DHRS11: variants seen among roughly 807,000 people sequenced by gnomAD.
DHRS11 encodes dehydrogenase/reductase 11, also known as dehydrogenase/reductase SDR family member 11.
In DHRS11, 18 loss-of-function variants were observed where a neutral mutation model predicts 30.7. The ratio of observed to expected loss-of-function variants is 0.59; its 90% CI spans 0.41 to 0.87. The LOEUF (loss-of-function observed/expected upper bound fraction) is 0.87. Ranked by LOEUF, DHRS11 falls within the 40% of genes least tolerant of loss-of-function variation. The pLI is 0.00. For synonymous variants in DHRS11, 123 were observed against 139.6 expected, an observed-to-expected ratio of 0.88 and a Z score of 0.84; for missense variants, 300 against 349.0, an observed-to-expected ratio of 0.86 and a Z score of 1.12.
Position 36,600,195 on chromosome 17 carries a change from G to T in DHRS11, c.775G>T (p.Val259Leu). 1 of 1,614,136 alleles carries T rather than the reference G, an allele frequency of 6.2e-7. No individual in the cohort carries two copies. Among genetic ancestry groups the T allele is most frequent in the Non-Finnish European group, 8.5e-7 (1 of 1,180,018 alleles). Residue 259 changes from valine to leucine, a missense_variant, in exon 7 of 7, where the codon GTG (valine) becomes TTG (leucine). Coordinates refer to ENST00000618403, the MANE Select transcript of DHRS11 (RefSeq NM_024308.4). ...GDIQMRPTEQVT is the reference protein window; with the variant it reads ...GDIQMRPTEQLT ...CATCCAGATGAGGCCCACGGAGCAG[G>T]TGACCTAGTGACTGTGGGAGCTCCT...
intron 2 of DHRS11, chr17:36,596,641 G>A (rs935822910): frequency 4.6e-5 from 17 of 372,808 alleles, no homozygotes; most frequent in African/African-American, 3.6e-4. Context: ...TCCAGTACAT[G>A]TTGGAAGGGT....
intron 4 of DHRS11, 95 bp downstream of exon 4, chr17:36,599,145 C>T (rs1328824124): frequency 1.5e-5 from 22 of 1,490,504 alleles, no homozygotes; most frequent in Non-Finnish European, 1.9e-5. Context: ...GAATGTGCCG[C>T]TCAGAGCTCC....
At chr17:36,598,557 C>T (rs1248886558) in intron 3 of DHRS11, 1 of 515,778 alleles carries the variant, frequency 1.9e-6, no homozygotes, top group East Asian at 3.5e-5. Flanking sequence ...GTACTATGTA[C>T]AGTGTCTGCC....
Position 36,599,659 on chromosome 17 carries a change from C to G in DHRS11, c.583-12C>G. ...AGCTCAGCCCCTGAGAAGGCCCTCT[C>G]TGTTGGCCCAGTGCATCTCTCCAGG... On this transcript the variant is annotated splice_polypyrimidine_tract_variant and intron_variant, in intron 4 of 6. Transcript: ENST00000618403. 1 of 1,614,166 alleles carries G rather than the reference C, an allele frequency of 6.2e-7. No individual in the cohort carries two copies. Among genetic ancestry groups the G allele is most frequent in the Non-Finnish European group, 8.5e-7 (1 of 1,179,996 alleles).
At chr17:36,599,451 T>G (rs528743921) in intron 4 of DHRS11, 1 of 589,666 alleles carries the variant, frequency 1.7e-6, no homozygotes, top group Non-Finnish European at 3.0e-6. Flanking sequence ...TCAGGGACAC[T>G]TTTTTGTAAA....
At chr17:36,598,334 AC>A (rs1257109058) in intron 3 of DHRS11, 77 bp downstream of exon 3, 1 of 1,338,484 alleles carries the variant, frequency 7.5e-7, no homozygotes, top group African/African-American at 1.5e-5. Flanking sequence ...ACCTCTTTGG[AC>A]CTCAGTTTCC....
At chr17:36,596,636 T>G (rs1312417848) in intron 2 of DHRS11, 1 of 365,980 alleles carries the variant, frequency 2.7e-6, no homozygotes, top group African/African-American at 2.1e-5. Context: ...AACTTTCCAG[T>G]ACATGTTGGA....
chr17:36,597,080 G>T (rs2074816737), intron 2 of DHRS11: 1 of 302,828 alleles, frequency 3.3e-6, no homozygotes, highest in East Asian at 8.5e-5. Flanking sequence ...TGATACCCTA[G>T]ACCTGGGAGA....
At chr17:36,597,082 C>T in intron 2 of DHRS11, 1 of 301,476 alleles carries the variant, frequency 3.3e-6, no homozygotes, top group South Asian at 3.0e-5. Context: ...ATACCCTAGA[C>T]CTGGGAGATT....
intron 2 of DHRS11, chr17:36,597,341 T>G (rs990489244): frequency 6.1e-6 from 1 of 163,068 alleles, no homozygotes; most frequent in African/African-American, 2.4e-5. Context: ...CCTCTCTTCT[T>G]AAGAGGAGAG....
intron 2 of DHRS11, chr17:36,597,783 A>T: frequency 3.1e-6 from 1 of 325,684 alleles, no homozygotes. Context: ...AGAAGAGAAG[A>T]GTAGGGTATT....
intron 2 of DHRS11, 50 bp downstream of exon 2, chr17:36,595,230 G>C (rs773856316): frequency 3.1e-6 from 5 of 1,602,262 alleles, no homozygotes; most frequent in Middle Eastern, 2.2e-4. Flanking sequence ...GGAGGAGAGA[G>C]GGGAGCCAGG....
At chr17:36,598,605 G>A (rs875213) in intron 3 of DHRS11, 56,537 of 498,440 alleles carry the variant, frequency 0.11, 3,856 homozygotes, top group Middle Eastern at 0.18. Flanking sequence ...CATGGCCTCT[G>A]CCTGCCTTGA....
In DHRS11 at chr17:36,599,048, A is replaced by G; in HGVS notation, c.580A>G (p.Thr194Ala). ...LREAQTHIRA[T>A]CISPGVVETQ... is the part of the protein sequence containing the mutation. The stretch of plus-strand genomic sequence containing the variant: ...GGAGGCCCAGACCCACATCCGAGCC[A>G]CGGTGAGGCTGTGGCCTAGCCCTGG... The change falls in exon 4 of 7, where the codon ACG becomes GCG. Residue 194 changes from threonine (T) to alanine (A), a missense_variant and splice_region_variant. Physicochemically the swap from Thr to Ala is moderately conservative, Grantham distance 58 (BLOSUM62 0). Transcript: ENST00000618403. 6.2e-7 allele frequency: 1 copy of G among 1,611,378 alleles called. No homozygotes were observed. Among genetic ancestry groups the G allele is most frequent in the Non-Finnish European group, 8.5e-7 (1 of 1,179,910 alleles).
chr17:36,598,231 C>T lies in DHRS11; in HGVS notation c.426C>T (p.Asp142=), dbSNP rs146654963. The change falls in exon 3 of 7, where the codon GAC becomes GAT. Residue 142 remains aspartate (D), a synonymous_variant. Coordinates refer to ENST00000618403, the MANE Select transcript of DHRS11 (RefSeq NM_024308.4). ...AGTCCATGAAGGAGCGGAATGTGGA[C>T]GATGGGCACATCATTAACATCAATA... is the stretch of plus-strand genomic sequence containing the variant. ...AYQSMKERNV[D]DGHIININSM... 2.0e-4 allele frequency: 328 copies of T among 1,614,026 alleles called. 2 individuals are homozygous for T. The African/African-American group carries it at 3.9e-3, about 19-fold the overall frequency.
intron 2 of DHRS11, 29 bp downstream of exon 2, chr17:36,595,209 G>T: frequency 6.2e-7 from 1 of 1,608,352 alleles, no homozygotes. Flanking sequence ...CATCTTCCAG[G>T]TGGAGGGTGG....
Position 36,592,110 on chromosome 17 carries a change from A to T in DHRS11, c.101A>T (p.Gln34Leu). The T allele has an allele frequency of 1.6e-6, 2 of 1,270,094 alleles. No individual in the cohort carries two copies. Among genetic ancestry groups the T allele is most frequent in the East Asian group, 3.0e-5 (1 of 33,874 alleles). The allele number at this position is 1,270,094 out of a possible 1,614,324, so 78.7% of individuals were successfully genotyped here. ...GAAVARALVQ[Q>L]GLKVVGCART... Reference sequence around the variant, plus strand: ...GCCGTGGCCCGGGCCCTGGTCCAGCAGGGACTGAAGGTGGTGGGCTGCGCC... The same window carrying T: ...GCCGTGGCCCGGGCCCTGGTCCAGCTGGGACTGAAGGTGGTGGGCTGCGCC... The change falls in exon 1 of 7, where the codon CAG becomes CTG. Residue 34 changes from glutamine to leucine, a missense_variant. Physicochemically the swap from Gln to Leu is moderately radical, Grantham distance 113. Transcript: ENST00000618403. The surrounding 1 kb of genome is among the most constrained non-coding windows in gnomAD (Gnocchi z 4.4).
intron 3 of DHRS11, chr17:36,598,503 G>C (rs1043517474): frequency 1.1e-5 from 6 of 568,670 alleles, no homozygotes; most frequent in Non-Finnish European, 1.9e-5. Context: ...TAAGTGCCTC[G>C]ATTCCTCAGG....
chr17:36,599,204 C>T, intron 4 of DHRS11, 154 bp downstream of exon 4: 1 of 1,150,390 alleles, frequency 8.7e-7, no homozygotes, highest in Non-Finnish European at 1.2e-6. Context: ...CAGGCATGGC[C>T]CTATGCAGCC....
Sources: gnomAD v4.1 joint callset for allele counts on GRCh38, gnomAD v4.1.1 for gene constraint, Gnocchi (gnomAD v3.1) non-coding constraint, MANE v1.5 for transcripts, NCBI Gene and HGNC (gene_info 2026-07-23, HGNC 2026-07-21) for gene names.